The following SLCO1B1 variants were observed in gnomAD, a reference collection of about 807,000 sequenced individuals.
SLCO1B1 encodes the protein solute carrier organic anion transporter family member 1B1.
A neutral mutation model predicts 70.1 loss-of-function variants in SLCO1B1; 81 were observed. That is an observed-to-expected ratio of 1.16 (90% CI 0.97 to 1.39). The LOEUF is 1.39. Among genes scored for constraint, SLCO1B1 ranks in the 40% most tolerant of loss-of-function variants. The pLI, the probability that SLCO1B1 is intolerant of heterozygous loss-of-function variation, is 0.00. For missense variants in SLCO1B1, 895 were observed against 799.6 expected (o/e 1.12, Z -1.44); for synonymous variants, 283 against 271.5 (o/e 1.04, Z -0.42).
In SLCO1B1 at chr12:21,181,976, T is replaced by A. The variant is rs563099338; in HGVS notation, c.727+2956T>A. On this transcript the variant is annotated intron_variant, in intron 7 of 14. Transcript: ENST00000256958. ...AATCTATTATAAGAAATTAAACTTA[T>A]TAGAGGGTACAAGATGGCCAACTAG... Among the ~76,000 whole-genome samples, 164 of 152,238 alleles carry A rather than the reference T, an allele frequency of 1.1e-3. 6 individuals carry two copies. Among genetic ancestry groups the A allele is most frequent in the Non-Finnish European group, 1.2e-3 (83 of 68,020 alleles).
rs77089197 is a variant in SLCO1B1, at chr12:21,233,535, G to A, written c.1866-5444G>A. The stretch of plus-strand genomic sequence containing the variant: ...TTAGAGCTAACCAACACCTCCAAAG[G>A]AGCTGAACTGAGACCTCAAAAAAAA... On this transcript the variant is annotated intron_variant, in intron 14 of 14. Transcript: ENST00000256958. Among the ~76,000 whole-genome samples, 3,359 of 145,996 alleles carry A rather than the reference G, an allele frequency of 0.023. 356 individuals are homozygous for A. The East Asian group carries it at 0.34, about 15-fold the overall frequency.
At position 21,165,846 on chromosome 12, in the gene SLCO1B1, G is replaced by A. The variant is rs957589597; in HGVS notation, c.85-6804G>A. Reference sequence around the variant, plus strand: ...GACTTCTCACCCTTCAGAACTGTGAGAAATAAATGTTTGTTGTTTAAGCCA... The same window carrying A: ...GACTTCTCACCCTTCAGAACTGTGAAAAATAAATGTTTGTTGTTTAAGCCA... On this transcript the variant is annotated intron_variant, in intron 2 of 14. Transcript: ENST00000256958. Among the ~76,000 whole-genome samples, 6 of 152,110 alleles carry A rather than the reference G, an allele frequency of 3.9e-5. No individual in the cohort carries two copies. The East Asian group carries it at 7.7e-4, about 20-fold the overall frequency.
Position 21,224,785 on chromosome 12 carries a change from CCAA to C in SLCO1B1, c.1816_1818del (p.Asn606del), listed in dbSNP as rs747602731. 12 of 1,611,752 alleles carry C rather than the reference CCAA, an allele frequency of 7.4e-6. No individual in the cohort carries two copies. In the Admixed American group the frequency reaches 2.0e-4, roughly 27 times the overall value. The stretch of plus-strand genomic sequence containing the variant: ...GATACAACGTGTATAAAGTGGTCCA[CCAA>C]CAACTGTGGCACACGTGGGTCATGT... On this transcript the variant is annotated inframe_deletion, in exon 14 of 15. Transcript: ENST00000256958.
At chr12:21,220,820 A>AG (rs1427336840) in intron 12 of SLCO1B1, among the ~76,000 whole-genome samples, 1 of 143,032 alleles carries the variant, frequency 7.0e-6, no homozygotes, top group African/African-American at 2.6e-5. Flanking sequence ...TGGTCTAAAA[A>AG]AAAAAAAAAA....
At chr12:21,195,470 T>C (rs1591816467) in intron 7 of SLCO1B1, among the ~76,000 whole-genome samples, 1 of 152,168 alleles carries the variant, frequency 6.6e-6, no homozygotes. Context: ...TCACTCTGCA[T>C]AGATCTGGGA....
At chr12:21,216,223 G>A (rs1941355859) in intron 11 of SLCO1B1, among the ~76,000 whole-genome samples, 1 of 151,836 alleles carries the variant, frequency 6.6e-6, no homozygotes, top group Admixed American at 6.6e-5. Context: ...CCAAAGCTTA[G>A]TTTTATTGAC....
At chr12:21,132,674 G>A (rs970880254) in intron 1 of SLCO1B1, among the ~76,000 whole-genome samples, 24 of 152,162 alleles carry the variant, frequency 1.6e-4, no homozygotes, top group African/African-American at 5.3e-4. Context: ...CCCACTTCTT[G>A]ATGGGGTCGT....
At chr12:21,224,631 T>C (rs1216411644) in intron 13 of SLCO1B1, 91 bp from the exon 14 acceptor site, 3 of 850,028 alleles carry the variant, frequency 3.5e-6, no homozygotes, top group African/African-American at 1.7e-5. Context: ...TTTTGAACTT[T>C]TATTTAATCA....
At chr12:21,216,260 C>T (rs1172313996) in intron 11 of SLCO1B1, among the ~76,000 whole-genome samples, 2 of 151,836 alleles carry the variant, frequency 1.3e-5, no homozygotes, top group Admixed American at 6.6e-5. Flanking sequence ...TAAAAAATTC[C>T]TCTATATTAT....
chr12:21,235,602 C>T (rs1941589438), intron 14 of SLCO1B1, among the ~76,000 whole-genome samples: 1 of 151,456 alleles, frequency 6.6e-6, no homozygotes, highest in African/African-American at 2.4e-5. Context: ...TAGCTAGTTG[C>T]TTTATAGTTG....
intron 8 of SLCO1B1, among the ~76,000 whole-genome samples, chr12:21,199,085 CT>C (rs1305240922): frequency 6.6e-6 from 1 of 152,108 alleles, no homozygotes; most frequent in Admixed American, 6.6e-5. Context: ...CTTATCTCTT[CT>C]TTTTTTCTTT....
intron 12 of SLCO1B1, among the ~76,000 whole-genome samples, chr12:21,218,737 T>C (rs1229223651): frequency 6.6e-6 from 1 of 152,156 alleles, no homozygotes; most frequent in Admixed American, 6.5e-5. Context: ...TTTAAACTCA[T>C]GAGTTTGAAA....
At chr12:21,180,332 C>T (rs6487213) in intron 7 of SLCO1B1, among the ~76,000 whole-genome samples, 78,369 of 151,846 alleles carry the variant, frequency 0.52, 21,100 homozygotes, top group East Asian at 0.74. Flanking sequence ...GTTCTTGAAG[C>T]CTCTTCCAAA....
intron 1 of SLCO1B1, among the ~76,000 whole-genome samples, chr12:21,137,270 C>T (rs1248655164): frequency 2.6e-5 from 4 of 152,176 alleles, no homozygotes; most frequent in East Asian, 1.9e-4. Flanking sequence ...TTAGGCTACT[C>T]GGGGGTCAGG....
chr12:21,201,603 G>A (rs1055548596), intron 9 of SLCO1B1, among the ~76,000 whole-genome samples: 2 of 152,070 alleles, frequency 1.3e-5, no homozygotes, highest in Non-Finnish European at 2.9e-5. Flanking sequence ...TAAGCTCTGG[G>A]CAGATTTAGT....
At chr12:21,173,656 G>A (rs1940782838) in intron 3 of SLCO1B1, among the ~76,000 whole-genome samples, 1 of 150,562 alleles carries the variant, frequency 6.6e-6, no homozygotes, top group Non-Finnish European at 1.5e-5. Context: ...TCATTTTGGT[G>A]CTTTTATTCC....
chr12:21,226,276 C>A (rs1006786095), intron 14 of SLCO1B1, among the ~76,000 whole-genome samples: 1 of 151,640 alleles, frequency 6.6e-6, no homozygotes, highest in East Asian at 1.9e-4. Context: ...TAGCCAGTCA[C>A]GGTGGTGCAC....
In SLCO1B1 at chr12:21,194,774, G is replaced by C. The variant is rs1188748458; in HGVS notation, c.728-2172G>C. Reference sequence around the variant, plus strand: ...GGCATTCTTACACAAGAATGCATGAGACTGGCTAATTTATCAAGTAAAGAG... The same window carrying C: ...GGCATTCTTACACAAGAATGCATGACACTGGCTAATTTATCAAGTAAAGAG... On this transcript the variant is annotated intron_variant, in intron 7 of 14. Coordinates refer to ENST00000256958, the MANE Select transcript of SLCO1B1 (RefSeq NM_006446.5). Among the ~76,000 whole-genome samples, 78 of 152,214 alleles carry C rather than the reference G, an allele frequency of 5.1e-4. 1 individual carries two copies. The highest frequency in any genetic ancestry group is 5.1e-3 in the Admixed American group (78 of 15,282).
intron 10 of SLCO1B1, among the ~76,000 whole-genome samples, chr12:21,203,901 T>C (rs1941185198): frequency 6.6e-6 from 1 of 152,052 alleles, no homozygotes; most frequent in African/African-American, 2.4e-5. Context: ...CCTTCTTGGT[T>C]GTAAGGACAG....
Sources: allele counts gnomAD v4.1 joint callset (sites outside exome capture counted in the v4.1 genomes callset), GRCh38; gene constraint gnomAD v4.1.1; transcripts MANE v1.5; gene names NCBI Gene and HGNC (gene_info 2026-07-23, HGNC 2026-07-21).